UST: variants seen among roughly 807,000 people sequenced by gnomAD.
UST encodes the protein uronyl 2-sulfotransferase.
In UST, 21 loss-of-function variants were observed where a neutral mutation model predicts 45.6. The ratio of observed to expected loss-of-function variants is 0.46; its 90% CI spans 0.33 to 0.66. The LOEUF is 0.66. UST is among the 30% of genes least tolerant of loss of function. UST has a pLI of 0.02. For missense variants in UST, 463 were observed against 512.4 expected (o/e 0.90, Z 0.93); for synonymous variants, 215 against 200.6 (o/e 1.07, Z -0.61).
chr6:148,886,334 C>A (rs1200578513), intron 1 of UST, among the ~76,000 whole-genome samples: 1 of 152,206 alleles, frequency 6.6e-6, no homozygotes, highest in East Asian at 1.9e-4. Context: ...AAGCACTTAG[C>A]AGAGTAGCTG....
At chr6:148,751,983 A>T (rs965611058) in intron 1 of UST, among the ~76,000 whole-genome samples, 2 of 152,186 alleles carry the variant, frequency 1.3e-5, no homozygotes, top group Non-Finnish European at 2.9e-5. Flanking sequence ...CCAGCCTTGG[A>T]TATGTGATTT....
At chr6:148,918,624 G>A (rs1322488820) in intron 2 of UST, among the ~76,000 whole-genome samples, 1 of 152,136 alleles carries the variant, frequency 6.6e-6, no homozygotes, top group Non-Finnish European at 1.5e-5. Context: ...CAGGAAATGT[G>A]TGTGGTTGAG....
chr6:148,848,189 A>G (rs1778034012), intron 1 of UST, among the ~76,000 whole-genome samples: 1 of 152,236 alleles, frequency 6.6e-6, no homozygotes, highest in Non-Finnish European at 1.5e-5. Context: ...ACTTGTTAGG[A>G]GATACCTGGA....
chr6:148,910,942 G>A (rs1779462348), intron 2 of UST, among the ~76,000 whole-genome samples: 1 of 151,900 alleles, frequency 6.6e-6, no homozygotes, highest in African/African-American at 2.4e-5. Flanking sequence ...GTTCCCAGGG[G>A]GCCTTTGGGG....
At chr6:148,899,259 C>T (rs1779201898) in intron 2 of UST, among the ~76,000 whole-genome samples, 1 of 152,028 alleles carries the variant, frequency 6.6e-6, no homozygotes, top group South Asian at 2.1e-4. Flanking sequence ...GCCACTACGC[C>T]CAGCTAATTT....
At chr6:148,824,495 T>A (rs993310414) in intron 1 of UST, among the ~76,000 whole-genome samples, 1 of 152,078 alleles carries the variant, frequency 6.6e-6, no homozygotes, top group African/African-American at 2.4e-5. Flanking sequence ...GCTTTGGAGA[T>A]CCACCTCTGG....
At chr6:148,953,384 T>C (rs1241178043) in intron 3 of UST, among the ~76,000 whole-genome samples, 1 of 152,226 alleles carries the variant, frequency 6.6e-6, no homozygotes, top group Non-Finnish European at 1.5e-5. Flanking sequence ...GACACAGGAC[T>C]ATCAATTTGG....
chr6:148,885,783 C>T (rs562174339), intron 1 of UST, among the ~76,000 whole-genome samples: 1 of 152,312 alleles, frequency 6.6e-6, no homozygotes, highest in East Asian at 1.9e-4. Context: ...CTGCTTCCCC[C>T]TTCTTAGTCC....
At chr6:148,752,661 G>C (rs901269424) in intron 1 of UST, among the ~76,000 whole-genome samples, 19 of 152,306 alleles carry the variant, frequency 1.2e-4, no homozygotes, top group East Asian at 1.2e-3. Flanking sequence ...ATCAATCCAG[G>C]CTTAAGACAG....
chr6:149,010,796 G>A (rs796370388), intron 5 of UST, among the ~76,000 whole-genome samples: 2 of 150,286 alleles, frequency 1.3e-5, no homozygotes, highest in South Asian at 4.2e-4. Flanking sequence ...AGGAGGCTGA[G>A]GCAGGAGAAT....
intron 1 of UST, among the ~76,000 whole-genome samples, chr6:148,768,464 T>C (rs183983619): frequency 5.9e-5 from 9 of 152,322 alleles, no homozygotes; most frequent in Admixed American, 5.2e-4. Context: ...TTATTTTTCC[T>C]GTGCATTAAT....
intron 2 of UST, among the ~76,000 whole-genome samples, chr6:148,904,967 G>A (rs1195114727): frequency 6.6e-6 from 1 of 152,216 alleles, no homozygotes; most frequent in Non-Finnish European, 1.5e-5. Context: ...AGCAGCAGGA[G>A]TTTGAAGATC....
chr6:149,003,144 TCG>T (rs1361595208), intron 5 of UST, among the ~76,000 whole-genome samples: 3 of 152,190 alleles, frequency 2.0e-5, no homozygotes, highest in African/African-American at 7.2e-5. Context: ...GTAGACCATA[TCG>T]TGGCATGATA....
In UST at chr6:148,977,903, A is replaced by G. The variant is rs139639318; in HGVS notation, c.681+13340A>G. Among the ~76,000 whole-genome samples, 378 of 152,170 alleles carry G rather than the reference A, an allele frequency of 2.5e-3. 2 individuals are homozygous for G. Among genetic ancestry groups the G allele is most frequent in the Middle Eastern group, 0.01 (3 of 294 alleles). ...GATTGACGTCTGTATGTGGAGTCTTATTATTTGAGAATGTATTTTGCCTTT... is the reference window on the plus strand; with the variant it reads ...GATTGACGTCTGTATGTGGAGTCTTGTTATTTGAGAATGTATTTTGCCTTT... On this transcript the variant is annotated intron_variant, in intron 5 of 7. Coordinates refer to ENST00000367463, the MANE Select transcript of UST (RefSeq NM_005715.3).
intron 7 of UST, among the ~76,000 whole-genome samples, chr6:149,060,900 G>A (rs544046882): frequency 3.2e-4 from 48 of 152,112 alleles, no homozygotes; most frequent in African/African-American, 1.1e-3. Flanking sequence ...TTTTTTCGCT[G>A]GTAAACTTTG....
At chr6:148,924,199 A>AT (rs1437035738) in intron 2 of UST, among the ~76,000 whole-genome samples, 1 of 152,158 alleles carries the variant, frequency 6.6e-6, no homozygotes, top group African/African-American at 2.4e-5. Context: ...TTGTTTTGAC[A>AT]TTTTTTAAAG....
intron 1 of UST, among the ~76,000 whole-genome samples, chr6:148,764,523 A>G (rs1287924547): frequency 6.6e-6 from 1 of 152,126 alleles, no homozygotes; most frequent in African/African-American, 2.4e-5. Flanking sequence ...CGATAATTCA[A>G]CGTGGGTTCT....
chr6:148,926,225 G>A (rs910765810), intron 2 of UST, among the ~76,000 whole-genome samples: 5 of 152,310 alleles, frequency 3.3e-5, no homozygotes, highest in African/African-American at 2.4e-5. Flanking sequence ...GGATCAAAAG[G>A]AATGATATGA....
intron 2 of UST, among the ~76,000 whole-genome samples, chr6:148,913,864 C>T (rs1779528227): frequency 6.6e-6 from 1 of 152,104 alleles, no homozygotes; most frequent in East Asian, 1.9e-4. Flanking sequence ...GTATAGGTTA[C>T]AAAGCCCTAT....
Sources: allele counts gnomAD v4.1 joint callset (sites outside exome capture counted in the v4.1 genomes callset), GRCh38; gene constraint gnomAD v4.1.1; transcripts MANE v1.5; gene names NCBI Gene and HGNC (gene_info 2026-07-23, HGNC 2026-07-21).